DPP10: variants seen among roughly 807,000 people sequenced by gnomAD.
The protein encoded by DPP10 is inactive dipeptidyl peptidase 10.
DPP10 carries 33 observed loss-of-function variants against 120.9 expected under a neutral mutation model. The ratio of observed to expected loss-of-function variants is 0.27; its 90% CI spans 0.21 to 0.37. The LOEUF (loss-of-function observed/expected upper bound fraction) is 0.37, where lower values mean the gene tolerates loss of function less well. Among genes scored for constraint, DPP10 ranks in the 10% least tolerant of loss-of-function variants. DPP10 has a pLI of 1.00. For missense variants in DPP10, 816 were observed against 942.8 expected, an observed-to-expected ratio of 0.87 and a Z score of 1.76; for synonymous variants, 337 against 326.1, an observed-to-expected ratio of 1.03 and a Z score of -0.36.
At chr2:115,411,338 A>G (rs547356796) in intron 3 of DPP10, among the ~76,000 whole-genome samples, 1 of 152,288 alleles carries the variant, frequency 6.6e-6, no homozygotes, top group South Asian at 2.1e-4. Flanking sequence ...TCTCAAAAAA[A>G]AAGGAGAGAA....
intron 1 of DPP10, among the ~76,000 whole-genome samples, chr2:114,512,147 T>C (rs1172928745): frequency 6.6e-6 from 1 of 152,228 alleles, no homozygotes; most frequent in East Asian, 1.9e-4. Flanking sequence ...CTCTTGACTT[T>C]CGTACAGCTT....
chr2:115,526,032 A>G, intron 5 of DPP10, 60 bp downstream of exon 5: 2 of 1,421,604 alleles, frequency 1.4e-6, no homozygotes, highest in Non-Finnish European at 1.9e-6. Flanking sequence ...GTGACAATGC[A>G]TAATTTTACT....
At chr2:114,553,412 T>C (rs933353758) in intron 1 of DPP10, among the ~76,000 whole-genome samples, 2 of 152,176 alleles carry the variant, frequency 1.3e-5, no homozygotes, top group African/African-American at 4.8e-5. Flanking sequence ...GGTGGGAAAG[T>C]TGAAGATGAT....
At chr2:115,543,868 G>C (rs985205499) in intron 5 of DPP10, among the ~76,000 whole-genome samples, 1 of 151,966 alleles carries the variant, frequency 6.6e-6, no homozygotes, top group African/African-American at 2.4e-5. Context: ...TAACTGCCAA[G>C]AATCAGTAGG....
chr2:115,441,817 C>CTTTTTT (rs561102084), intron 3 of DPP10, among the ~76,000 whole-genome samples: 24 of 124,472 alleles, frequency 1.9e-4, no homozygotes, highest in African/African-American at 7.0e-4. Flanking sequence ...TTCTTTCTTT[C>CTTTTTT]TTTTTTTTTT....
intron 7 of DPP10, among the ~76,000 whole-genome samples, chr2:115,721,999 A>C (rs1274623066): frequency 6.6e-6 from 1 of 152,186 alleles, no homozygotes; most frequent in Non-Finnish European, 1.5e-5. Flanking sequence ...AGCCAGGCAC[A>C]GAAAGACAAA....
intron 1 of DPP10, among the ~76,000 whole-genome samples, chr2:114,955,312 A>T (rs571186774): frequency 1.3e-5 from 2 of 152,220 alleles, no homozygotes; most frequent in South Asian, 4.1e-4. Context: ...CGGCTCCTTT[A>T]CTGCAACCTG....
Position 115,253,253 on chromosome 2 carries a change from C to T in DPP10, c.61-55986C>T, listed in dbSNP as rs146592345. On this transcript the variant is annotated intron_variant, in intron 1 of 25. Coordinates refer to ENST00000410059, the MANE Select transcript of DPP10 (RefSeq NM_020868.6). ...AACCATGAGGGAGCCTTCCCTATGACCCAGATTCCACTAGTCTCTGCCTTC... is the reference window on the plus strand; with the variant it reads ...AACCATGAGGGAGCCTTCCCTATGATCCAGATTCCACTAGTCTCTGCCTTC... Among the ~76,000 whole-genome samples, 378 of 152,262 alleles carry T rather than the reference C, an allele frequency of 2.5e-3. 1 individual carries two copies. Among genetic ancestry groups the T allele is most frequent in the Non-Finnish European group, 3.7e-3 (249 of 68,024 alleles).
At chr2:115,435,302 C>A (rs1277628287) in intron 3 of DPP10, among the ~76,000 whole-genome samples, 1 of 151,752 alleles carries the variant, frequency 6.6e-6, no homozygotes, top group African/African-American at 2.4e-5. Context: ...TACATTCCCA[C>A]CAACAGTGTG....
intron 5 of DPP10, among the ~76,000 whole-genome samples, chr2:115,527,966 C>T (rs1396071974): frequency 4.6e-5 from 7 of 152,042 alleles, no homozygotes; most frequent in Non-Finnish European, 7.4e-5. Flanking sequence ...TTTTAAAAAA[C>T]TAAGCATATA....
intron 3 of DPP10, among the ~76,000 whole-genome samples, chr2:115,385,911 T>C (rs978206715): frequency 4.6e-5 from 7 of 152,204 alleles, no homozygotes; most frequent in African/African-American, 7.2e-5. Flanking sequence ...TTTTCCTCTT[T>C]GGTAAACAAA....
intron 1 of DPP10, among the ~76,000 whole-genome samples, chr2:114,801,276 A>G (rs866058411): frequency 3.5e-5 from 3 of 84,656 alleles, no homozygotes; most frequent in Admixed American, 1.4e-4. Context: ...AAAAAAAAAA[A>G]AAAGAAAAAA....
intron 1 of DPP10, among the ~76,000 whole-genome samples, chr2:115,123,843 A>C (rs901505007): frequency 6.6e-6 from 1 of 152,138 alleles, no homozygotes; most frequent in African/African-American, 2.4e-5. Context: ...GCCCCAAAAG[A>C]AGCCTGCTGA....
At chr2:114,654,575 T>C (rs1216909700) in intron 1 of DPP10, among the ~76,000 whole-genome samples, 1 of 152,154 alleles carries the variant, frequency 6.6e-6, no homozygotes, top group Admixed American at 6.5e-5. Flanking sequence ...CTGGGCTAGT[T>C]GTGACCTTCA....
chr2:114,992,894 C>T (rs1009666618), intron 1 of DPP10, among the ~76,000 whole-genome samples: 6 of 152,172 alleles, frequency 3.9e-5, no homozygotes, highest in Non-Finnish European at 8.8e-5. Flanking sequence ...CATACGCTTC[C>T]ATAAACCTGT....
At chr2:115,297,945 G>A (rs1008117580) in intron 1 of DPP10, among the ~76,000 whole-genome samples, 8 of 151,992 alleles carry the variant, frequency 5.3e-5, no homozygotes, top group African/African-American at 1.9e-4. Flanking sequence ...TAGTTCCCAG[G>A]ATGGGTCAAC....
chr2:115,249,354 G>C (rs988834387), intron 1 of DPP10, among the ~76,000 whole-genome samples: 6 of 152,104 alleles, frequency 3.9e-5, no homozygotes, highest in Admixed American at 2.0e-4. Context: ...ATAATAGATA[G>C]CACTTAGAAT....
chr2:114,638,881 C>A (rs1465201860), intron 1 of DPP10, among the ~76,000 whole-genome samples: 1 of 151,824 alleles, frequency 6.6e-6, no homozygotes, highest in African/African-American at 2.4e-5. Context: ...ACCATAGGAG[C>A]AAGTTAGGCG....
chr2:115,079,197 G>A (rs1012928955), intron 1 of DPP10, among the ~76,000 whole-genome samples: 8 of 151,956 alleles, frequency 5.3e-5, no homozygotes, highest in Non-Finnish European at 1.0e-4. Flanking sequence ...TGGCTAACGC[G>A]GTGAAACCCC....
Sources: allele counts gnomAD v4.1 joint callset (sites outside exome capture counted in the v4.1 genomes callset), GRCh38; gene constraint gnomAD v4.1.1; transcripts MANE v1.5; gene names NCBI Gene and HGNC (gene_info 2026-07-23, HGNC 2026-07-21).